Variants in UGP2 observed in about 807,000 individuals in gnomAD.
UGP2 encodes the protein UTP--glucose-1-phosphate uridylyltransferase.
In UGP2, 40 loss-of-function variants were observed where a neutral mutation model predicts 49.0. That is an observed-to-expected ratio of 0.82 (90% confidence interval 0.63 to 1.06). The LOEUF is 1.06. UGP2 is among the 50% of genes least tolerant of loss of function. UGP2 has a pLI of 0.00. For synonymous variants in UGP2, 225 were observed against 213.0 expected, an observed-to-expected ratio of 1.06 and a Z score of -0.49; for missense variants, 460 against 603.5, an observed-to-expected ratio of 0.76 and a Z score of 2.49.
chr2:63,873,125 G>T (rs1670670273), intron 3 of UGP2, among the ~76,000 whole-genome samples: 1 of 152,230 alleles, frequency 6.6e-6, no homozygotes, highest in East Asian at 1.9e-4. Flanking sequence ...GAGAATTCTG[G>T]TGTTTGTAGC....
At chr2:63,870,173 C>G (rs1195958729) in intron 3 of UGP2, among the ~76,000 whole-genome samples, 1 of 152,196 alleles carries the variant, frequency 6.6e-6, no homozygotes, top group Non-Finnish European at 1.5e-5. Flanking sequence ...TCACCTGACT[C>G]TGTCTCCCAA....
chr2:63,880,805 C>T (rs752743648), intron 3 of UGP2, among the ~76,000 whole-genome samples: 12 of 151,894 alleles, frequency 7.9e-5, no homozygotes, highest in South Asian at 4.2e-4. Context: ...CTGCAGCCAT[C>T]GGTGTGGTCT....
At chr2:63,887,258 C>G in intron 7 of UGP2, 144 bp from the exon 8 acceptor site, 2 of 1,104,800 alleles carry the variant, frequency 1.8e-6, no homozygotes, top group Non-Finnish European at 1.3e-6. Flanking sequence ...GATCAAGACT[C>G]CTTCTCAAAA....
chr2:63,842,110 A>G lies in UGP2; in HGVS notation c.-76A>G, dbSNP rs1671584120. On this transcript the variant is annotated 5_prime_UTR_variant, in exon 1 of 10. Coordinates refer to ENST00000337130, the MANE Select transcript of UGP2 (RefSeq NM_006759.4). ...ACATCGGTTGTTAAAGCAGGAGAGG[A>G]AGAGAGACCTGCCCTGTAGCGTGAC... 1 of 1,525,308 alleles carries G rather than the reference A, an allele frequency of 6.6e-7. No homozygotes were observed. Among genetic ancestry groups the G allele is most frequent in the South Asian group, 1.3e-5 (1 of 78,588 alleles). 94.5% of individuals were successfully genotyped at this position (1,525,308 alleles called of 1,614,324 possible).
At chr2:63,847,774 G>A (rs1668752161) in intron 1 of UGP2, among the ~76,000 whole-genome samples, 2 of 152,186 alleles carry the variant, frequency 1.3e-5, no homozygotes, top group South Asian at 2.1e-4. Context: ...CACTTCTTTT[G>A]TGGTGGAATG....
At chr2:63,871,113 T>C (rs1391823920) in intron 3 of UGP2, among the ~76,000 whole-genome samples, 1 of 152,230 alleles carries the variant, frequency 6.6e-6, no homozygotes, top group Non-Finnish European at 1.5e-5. Context: ...TTGTTAAGTA[T>C]ATTTTTATTA....
chr2:63,860,220 T>C (rs983004559), intron 3 of UGP2, among the ~76,000 whole-genome samples: 1 of 152,232 alleles, frequency 6.6e-6, no homozygotes, highest in African/African-American at 2.4e-5. Context: ...ACATTTCTCA[T>C]GTCAGCCTTA....
At chr2:63,890,518 G>A (rs1409246449) in intron 9 of UGP2, among the ~76,000 whole-genome samples, 5 of 152,098 alleles carry the variant, frequency 3.3e-5, no homozygotes, top group Admixed American at 3.3e-4. Flanking sequence ...TAAGAAATAG[G>A]AGGGAAACGG....
At chr2:63,876,054 G>A (rs1419400126) in intron 3 of UGP2, among the ~76,000 whole-genome samples, 1 of 151,964 alleles carries the variant, frequency 6.6e-6, no homozygotes, top group African/African-American at 2.4e-5. Context: ...GAAAGTGGAA[G>A]GCAGGCCTAA....
chr2:63,886,151 A>G (rs956833884), intron 6 of UGP2, among the ~76,000 whole-genome samples, 190 bp from the exon 7 acceptor site: 1 of 152,246 alleles, frequency 6.6e-6, no homozygotes, highest in African/African-American at 2.4e-5. Flanking sequence ...ATCTTTCAGT[A>G]AAGTTGTCCA....
At position 63,879,532 on chromosome 2, in the gene UGP2, A is replaced by G. The variant is rs544158522; in HGVS notation, c.256-2934A>G. ...TTAAGTTCCTGATATTGTAATGACA[A>G]GATGGGTCATACTTTATAGTACGAT... On this transcript the variant is annotated intron_variant, in intron 3 of 9. Transcript: ENST00000337130. Among the ~76,000 whole-genome samples, 5 of 152,346 alleles carry G rather than the reference A, an allele frequency of 3.3e-5. No homozygotes were observed. The East Asian group carries it at 9.6e-4, about 29-fold the overall frequency.
chr2:63,854,043 T>TA (rs950203794), intron 1 of UGP2, among the ~76,000 whole-genome samples: 119 of 152,230 alleles, frequency 7.8e-4, no homozygotes, highest in African/African-American at 2.4e-3. Flanking sequence ...GCGTCAAGGT[T>TA]AAAGAGAGCC....
chr2:63,856,911 T>G, intron 2 of UGP2: 1 of 433,024 alleles, frequency 2.3e-6, no homozygotes, highest in South Asian at 1.7e-5. Flanking sequence ...ATATTTCAAT[T>G]TATACTTAAT....
At chr2:63,858,509 C>T (rs532582742) in intron 3 of UGP2, among the ~76,000 whole-genome samples, 11 of 151,596 alleles carry the variant, frequency 7.3e-5, no homozygotes, top group African/African-American at 2.2e-4. Context: ...AAAAACTATA[C>T]ATAACATTCT....
At chr2:63,862,711 AGT>A (rs1476457946) in intron 3 of UGP2, 3 of 420,258 alleles carry the variant, frequency 7.1e-6, no homozygotes, top group Non-Finnish European at 1.4e-5. Context: ...GGAAAATCAG[AGT>A]GTGGGTTTAG....
At chr2:63,874,475 A>C (rs904523780) in intron 3 of UGP2, among the ~76,000 whole-genome samples, 1 of 152,190 alleles carries the variant, frequency 6.6e-6, no homozygotes, top group African/African-American at 2.4e-5. Flanking sequence ...GACTGCGTAG[A>C]AGAGGAGGTC....
intron 3 of UGP2, among the ~76,000 whole-genome samples, chr2:63,877,849 C>T (rs1463505305): frequency 2.0e-5 from 3 of 150,882 alleles, no homozygotes; most frequent in Non-Finnish European, 3.0e-5. Context: ...AAAAATTAGC[C>T]GGGCGCGGTG....
At chr2:63,872,962 C>G (rs1353883058) in intron 3 of UGP2, among the ~76,000 whole-genome samples, 2 of 152,084 alleles carry the variant, frequency 1.3e-5, no homozygotes, top group Admixed American at 1.3e-4. Flanking sequence ...AGAGTGAGCT[C>G]CACGTATTAC....
intron 1 of UGP2, among the ~76,000 whole-genome samples, chr2:63,844,959 A>G (rs1164711719): frequency 2.0e-5 from 3 of 152,198 alleles, no homozygotes. Flanking sequence ...CTGTTTCTCC[A>G]GCTAGACTGT....
Sources: gnomAD v4.1 joint callset for allele counts (sites outside exome capture counted in the v4.1 genomes callset) on GRCh38, gnomAD v4.1.1 for gene constraint, MANE v1.5 for transcripts, NCBI Gene and HGNC (gene_info 2026-07-23, HGNC 2026-07-21) for gene names.